Variants in POLN observed in about 807,000 individuals in gnomAD.
POLN encodes DNA polymerase N.
Under a neutral mutation model 113.5 loss-of-function variants are expected in POLN, and 108 were observed. The ratio of observed to expected loss-of-function variants is 0.95; its 90% confidence interval spans 0.81 to 1.12. The LOEUF is 1.12. Ranked by LOEUF, POLN falls within the 50% of genes most tolerant of loss-of-function variation. POLN has a pLI of 0.00. For synonymous variants in POLN, 386 were observed against 391.5 expected (o/e 0.99, Z 0.17); for missense variants, 1,097 against 1,077.1 (o/e 1.02, Z -0.26).
chr4:2,123,168 A>C (rs556982447), intron 19 of POLN, among the ~76,000 whole-genome samples: 9 of 152,038 alleles, frequency 5.9e-5, no homozygotes, highest in African/African-American at 2.2e-4. Flanking sequence ...ATCTTATCTC[A>C]GAAACCAAAC....
intron 19 of POLN, among the ~76,000 whole-genome samples, chr4:2,096,381 TG>T (rs939183313): frequency 1.3e-5 from 2 of 152,134 alleles, no homozygotes; most frequent in African/African-American, 4.8e-5. Flanking sequence ...ACAGAGGCCA[TG>T]GGGGTGAGCC....
chr4:2,087,044 G>A (rs1312240346), intron 20 of POLN, among the ~76,000 whole-genome samples: 2 of 152,196 alleles, frequency 1.3e-5, no homozygotes, highest in Admixed American at 1.3e-4. Context: ...TCAAGTCTTA[G>A]GAGAGTGAAA....
chr4:2,158,860 C>T (rs956700074), intron 14 of POLN, among the ~76,000 whole-genome samples: 3 of 152,152 alleles, frequency 2.0e-5, no homozygotes, highest in African/African-American at 4.8e-5. Flanking sequence ...TACTGCTGGG[C>T]GTCTCCTGCA....
At chr4:2,239,583 C>T (rs1237269919) in intron 2 of POLN, among the ~76,000 whole-genome samples, 4 of 152,278 alleles carry the variant, frequency 2.6e-5, no homozygotes, top group African/African-American at 9.6e-5. Context: ...CAGACATCTG[C>T]AATACATCTA....
At chr4:2,165,812 T>C (rs917280493) in intron 13 of POLN, among the ~76,000 whole-genome samples, 6 of 152,120 alleles carry the variant, frequency 3.9e-5, no homozygotes, top group African/African-American at 1.4e-4. Flanking sequence ...TGTCTCACTC[T>C]GTTGCACAGA....
intron 3 of POLN, 50 bp downstream of exon 3, chr4:2,229,049 A>G: frequency 6.6e-7 from 1 of 1,514,788 alleles, no homozygotes; most frequent in South Asian, 1.2e-5. Context: ...CTTTAGAACA[A>G]TTAACATTCA....
At position 2,198,523 on chromosome 4, in the gene POLN, C is replaced by T. The variant is rs1266417649; in HGVS notation, c.908+1G>A. 3 of 1,604,390 alleles carry T rather than the reference C, an allele frequency of 1.9e-6. No homozygotes were observed. Among genetic ancestry groups the T allele is most frequent in the Admixed American group, 3.4e-5 (2 of 59,100 alleles). The stretch of plus-strand genomic sequence containing the variant: ...TGAGCCCATGTGTGAAGATTTCTTA[C>T]CGGGCAAATTGTTGATGTGCCTCCT... On this transcript the variant is annotated splice_donor_variant, in intron 6 of 25. Transcript: ENST00000511885. LOFTEE classifies it high-confidence loss of function.
At chr4:2,152,205 T>C (rs1391468327) in intron 16 of POLN, among the ~76,000 whole-genome samples, 2 of 151,546 alleles carry the variant, frequency 1.3e-5, no homozygotes, top group Non-Finnish European at 2.9e-5. Context: ...CTAATCTAAT[T>C]TTCTGTATTT....
chr4:2,223,199 T>C (rs542282625), intron 3 of POLN, among the ~76,000 whole-genome samples: 22 of 152,222 alleles, frequency 1.4e-4, no homozygotes, highest in African/African-American at 4.8e-4. Flanking sequence ...TTCTGAGAAA[T>C]GCATCATTAG....
chr4:2,179,352 C>A lies in POLN; in HGVS notation c.1135G>T (p.Val379Phe). ...TTTCCATATGTGCTGTTCACTTTAA[C>A]TGTAATGGATTTTTCACAGTATTTT... is the stretch of plus-strand genomic sequence containing the variant. ...VEKYCEKSIT[V>F]KVNSTYGNSS... The change falls in exon 8 of 26, where the codon GTT becomes TTT. Residue 379 changes from valine (V) to phenylalanine (F), a missense_variant. Val to Phe is a conservative substitution (Grantham distance 50). Coordinates refer to ENST00000511885, the MANE Select transcript of POLN (RefSeq NM_181808.4). 1 of 1,613,438 alleles carries A rather than the reference C, an allele frequency of 6.2e-7. No individual in the cohort carries two copies. The highest frequency in any genetic ancestry group is 8.5e-7 in the Non-Finnish European group (1 of 1,179,504).
intron 2 of POLN, among the ~76,000 whole-genome samples, chr4:2,237,194 A>G (rs2108778890): frequency 6.6e-6 from 1 of 152,170 alleles, no homozygotes; most frequent in African/African-American, 2.4e-5. Flanking sequence ...CTGTAATCCC[A>G]GTATTGTGGG....
At chr4:2,096,495 G>C (rs570497070) in intron 19 of POLN, among the ~76,000 whole-genome samples, 1 of 152,264 alleles carries the variant, frequency 6.6e-6, no homozygotes, top group South Asian at 2.1e-4. Flanking sequence ...AGACATCTGA[G>C]TAGCACAGGA....
intron 9 of POLN, among the ~76,000 whole-genome samples, 182 bp from the exon 10 acceptor site, chr4:2,174,933 C>T (rs1732958582): frequency 6.6e-6 from 1 of 151,906 alleles, no homozygotes; most frequent in Non-Finnish European, 1.5e-5. Context: ...AGTGATTCTC[C>T]TGTCTCAGCC....
At chr4:2,180,318 G>C (rs1733104279) in intron 7 of POLN, among the ~76,000 whole-genome samples, 1 of 152,110 alleles carries the variant, frequency 6.6e-6, no homozygotes, top group African/African-American at 2.4e-5. Flanking sequence ...AGGTGGGGCG[G>C]GCTAGAAATC....
At chr4:2,163,041 A>C (rs1427537039) in intron 13 of POLN, among the ~76,000 whole-genome samples, 5 of 151,528 alleles carry the variant, frequency 3.3e-5, no homozygotes, top group East Asian at 1.9e-4. Context: ...AAAAAAAAAA[A>C]AAAAAAAAAA....
chr4:2,166,125 TAAAC>T (rs1732722506), intron 13 of POLN, among the ~76,000 whole-genome samples: 2 of 152,288 alleles, frequency 1.3e-5, no homozygotes, highest in South Asian at 2.1e-4. Context: ...CTCCCTTACT[TAAAC>T]AATTCCAAGG....
intron 19 of POLN, among the ~76,000 whole-genome samples, chr4:2,096,603 GC>G (rs1309348547): frequency 1.3e-5 from 2 of 150,738 alleles, no homozygotes; most frequent in African/African-American, 4.9e-5. Context: ...GCCACCTCCT[GC>G]CTGCTGCTTT....
chr4:2,236,880 A>T lies in POLN; in HGVS notation c.-13+4640T>A, dbSNP rs2227021. On this transcript the variant is annotated intron_variant, in intron 2 of 25. Transcript: ENST00000511885. ...TCCGTCTCCAAATAATAATAATAATAATTATAATTATAATAATAATATTAT... is the reference window on the plus strand; with the variant it reads ...TCCGTCTCCAAATAATAATAATAATTATTATAATTATAATAATAATATTAT... 6.7e-3 allele frequency among the ~76,000 whole-genome samples: 998 copies of T among 148,872 alleles called. 27 individuals carry two copies. The highest frequency in any genetic ancestry group is 0.054 in the Admixed American group (806 of 14,866).
At chr4:2,149,214 C>A (rs757556882) in intron 16 of POLN, among the ~76,000 whole-genome samples, 22 of 151,922 alleles carry the variant, frequency 1.4e-4, no homozygotes, top group Non-Finnish European at 4.4e-5. Context: ...GAATTGCTTG[C>A]GCCTGGGAGG....
Sources: allele counts gnomAD v4.1 joint callset (sites outside exome capture counted in the v4.1 genomes callset), GRCh38; gene constraint gnomAD v4.1.1; transcripts MANE v1.5; gene names NCBI Gene and HGNC (gene_info 2026-07-23, HGNC 2026-07-21).